LTBP1: variants seen among roughly 807,000 people sequenced by gnomAD.
LTBP1 encodes latent transforming growth factor beta binding protein 1.
LTBP1 carries 129 observed loss-of-function variants against 207.6 expected under a neutral mutation model. The observed-to-expected ratio is 0.62, with a 90% confidence interval of 0.54 to 0.72. The LOEUF is 0.72. Among genes scored for constraint, LTBP1 ranks in the 30% least tolerant of loss-of-function variants. LTBP1 has a pLI of 0.00. For missense variants in LTBP1, 2,281 were observed against 2,217.2 expected (o/e 1.03, Z -0.58); for synonymous variants, 963 against 833.7 (o/e 1.16, Z -2.67).
intron 5 of LTBP1, among the ~76,000 whole-genome samples, chr2:33,166,777 T>G (rs1397075472): frequency 6.6e-6 from 1 of 152,202 alleles, no homozygotes; most frequent in African/African-American, 2.4e-5. Context: ...TACCAAGTTA[T>G]TTAAGTTAAA....
intron 24 of LTBP1, among the ~76,000 whole-genome samples, chr2:33,338,034 T>C (rs1380882653): frequency 6.6e-6 from 1 of 152,250 alleles, no homozygotes; most frequent in Non-Finnish European, 1.5e-5. Flanking sequence ...TGTTTTTTCT[T>C]GTAGAGGTCA....
In LTBP1 at chr2:33,392,705, G is replaced by A. The variant is rs556816362; in HGVS notation, c.4834+3399G>A. 9.8e-5 allele frequency among the ~76,000 whole-genome samples: 15 copies of A among 152,308 alleles called. No homozygotes were observed. The Middle Eastern group carries it at 0.027, about 276-fold the overall frequency. On this transcript the variant is annotated intron_variant, in intron 32 of 33. Transcript: ENST00000404816. ...AAGTATTTTGGGGAGCCTGCCTGAT[G>A]TGTGGGGAGTTTCAAGTTTTACTTT...
chr2:32,981,699 CCTGG>C (rs1427265194), intron 2 of LTBP1, among the ~76,000 whole-genome samples: 2 of 152,026 alleles, frequency 1.3e-5, no homozygotes, highest in African/African-American at 4.8e-5. Flanking sequence ...ATGAGAGGGA[CCTGG>C]TGGAAGGTAG....
chr2:33,361,608 C>T lies in LTBP1; in HGVS notation c.4270+93C>T, dbSNP rs1163598609. On this transcript the variant is annotated intron_variant, in intron 28 of 33. Transcript: ENST00000404816. ...GCTTGGGTTTCACAGAATTAGAGTT[C>T]TTTTTAGTCATGAAAACTGATTACA... The T allele has an allele frequency of 4.6e-6, 4 of 863,462 alleles. No homozygotes were observed. The African/African-American group carries it at 5.2e-5, about 11-fold the overall frequency. The allele number at this position is 863,462 out of a possible 1,614,324, so 53.5% of individuals were successfully genotyped here.
chr2:33,249,647 A>G (rs946027982), intron 10 of LTBP1, among the ~76,000 whole-genome samples: 9 of 152,200 alleles, frequency 5.9e-5, no homozygotes, highest in African/African-American at 2.2e-4. Flanking sequence ...GTCTGTAGCC[A>G]AGAGCAAAAA....
Position 33,243,651 on chromosome 2 carries a change from T to A in LTBP1, c.1877-11T>A. ...TGACTGCTCCTTCTAAAGAATTGTGTTTTCCTGCAGATATTAATGAATGTC... is the reference window on the plus strand; with the variant it reads ...TGACTGCTCCTTCTAAAGAATTGTGATTTCCTGCAGATATTAATGAATGTC... On this transcript the variant is annotated splice_polypyrimidine_tract_variant and intron_variant, in intron 9 of 33. Transcript: ENST00000404816. 1 of 1,613,086 alleles carries A rather than the reference T, an allele frequency of 6.2e-7. No homozygotes were observed. Among genetic ancestry groups the A allele is most frequent in the Non-Finnish European group, 8.5e-7 (1 of 1,179,470 alleles).
chr2:33,199,740 C>A (rs966961886), intron 7 of LTBP1, among the ~76,000 whole-genome samples: 2 of 152,052 alleles, frequency 1.3e-5, no homozygotes, highest in African/African-American at 4.8e-5. Flanking sequence ...CGTCTCAGCC[C>A]AAAATCTCCT....
chr2:33,342,876 C>T lies in LTBP1; in HGVS notation c.3769C>T (p.His1257Tyr). The T allele has an allele frequency of 6.2e-7, 1 of 1,614,056 alleles. No homozygotes were observed. Among genetic ancestry groups the T allele is most frequent in the Non-Finnish European group, 8.5e-7 (1 of 1,179,946 alleles). ...TGTAAACAACACTGTTTGTGACAGT[C>T]ACGGGTTTTGTGACAATACAGCTGG... ...ECVNNTVCDS[H>Y]GFCDNTAGSF... is the part of the protein sequence containing the mutation. The change falls in exon 25 of 34, where the codon CAC becomes TAC. Residue 1257 changes from histidine (H) to tyrosine (Y), a missense_variant. By Grantham distance (83) the His-to-Tyr change is moderately conservative. Coordinates refer to ENST00000404816, the MANE Select transcript of LTBP1 (RefSeq NM_206943.4).
intron 9 of LTBP1, among the ~76,000 whole-genome samples, chr2:33,243,139 C>T (rs1029819042): frequency 1.3e-5 from 2 of 152,186 alleles, no homozygotes. Flanking sequence ...AAAGCCTTAC[C>T]TCCTCCTCAG....
In LTBP1 at chr2:33,185,739, G is replaced by A. The variant is rs375533515; in HGVS notation, c.1202-1117G>A. Among the ~76,000 whole-genome samples, 44 of 152,298 alleles carry A rather than the reference G, an allele frequency of 2.9e-4. No homozygotes were observed. The East Asian group carries it at 6.8e-3, about 23-fold the overall frequency. ...ACCATTCATGACCCTAGCAAGAATA[G>A]TTTCTGTGTAGAGGAGGGGCAGGGA... is the stretch of plus-strand genomic sequence containing the variant. On this transcript the variant is annotated intron_variant, in intron 5 of 33. Coordinates refer to ENST00000404816, the MANE Select transcript of LTBP1 (RefSeq NM_206943.4).
intron 3 of LTBP1, among the ~76,000 whole-genome samples, chr2:33,075,527 A>G (rs1472404188): frequency 1.3e-5 from 2 of 152,208 alleles, no homozygotes; most frequent in African/African-American, 4.8e-5. Flanking sequence ...AATTGATATT[A>G]TTCAGCTATG....
chr2:33,208,539 G>T (rs2090048067), intron 7 of LTBP1, among the ~76,000 whole-genome samples: 1 of 152,080 alleles, frequency 6.6e-6, no homozygotes, highest in Non-Finnish European at 1.5e-5. Flanking sequence ...GTTGGCCTAG[G>T]TCAGGGTATG....
intron 24 of LTBP1, among the ~76,000 whole-genome samples, chr2:33,321,443 G>A (rs1428802304): frequency 6.6e-6 from 1 of 152,100 alleles, no homozygotes; most frequent in Non-Finnish European, 1.5e-5. Flanking sequence ...TATTCATTGG[G>A]AACCAGAAAA....
chr2:33,253,139 G>C (rs2092729468), intron 11 of LTBP1, among the ~76,000 whole-genome samples: 1 of 152,102 alleles, frequency 6.6e-6, no homozygotes, highest in Non-Finnish European at 1.5e-5. Flanking sequence ...TTTAAGTGTA[G>C]AGAGACCAGA....
chr2:33,228,901 ATGTTT>A (rs1223086452), intron 9 of LTBP1, among the ~76,000 whole-genome samples: 18 of 151,374 alleles, frequency 1.2e-4, no homozygotes, highest in African/African-American at 4.4e-4. Context: ...GGGTTTCACC[ATGTTT>A]GCCAGGATGG....
chr2:32,947,829 A>G lies in LTBP1; in HGVS notation c.494+11A>G, dbSNP rs977185196. ...GCAGCAGCTGCAGGGGTAAGCCCAC[A>G]CCCCCTTCCGCCCGCCCGCCCGCCT... On this transcript the variant is annotated intron_variant, in intron 1 of 33. Transcript: ENST00000404816. 5.3e-6 allele frequency: 7 copies of G among 1,311,446 alleles called. No homozygotes were observed. In the African/African-American group the frequency reaches 9.2e-5, roughly 17 times the overall value. The allele number at this position is 1,311,446 out of a possible 1,614,324, so 81.2% of individuals were successfully genotyped here.
intron 22 of LTBP1, 60 bp from the exon 23 acceptor site, chr2:33,309,374 T>C: frequency 1.7e-6 from 2 of 1,190,656 alleles, no homozygotes; most frequent in African/African-American, 1.6e-5. Flanking sequence ...GTAAGAGAAA[T>C]GTCTAATTTT....
chr2:33,002,009 C>A (rs1686112754), intron 2 of LTBP1, among the ~76,000 whole-genome samples: 1 of 134,830 alleles, frequency 7.4e-6, no homozygotes. Context: ...ACAGCAAACA[C>A]ATGCTCATGG....
intron 3 of LTBP1, among the ~76,000 whole-genome samples, chr2:33,076,102 G>T (rs781310353): frequency 6.6e-6 from 1 of 152,198 alleles, no homozygotes; most frequent in Non-Finnish European, 1.5e-5. Context: ...CAAAATGAGT[G>T]ATTGAGGTAT....
Sources: allele counts gnomAD v4.1 joint callset (sites outside exome capture counted in the v4.1 genomes callset), GRCh38; gene constraint gnomAD v4.1.1; transcripts MANE v1.5; gene names NCBI Gene and HGNC (gene_info 2026-07-23, HGNC 2026-07-21).